The following KIF15 variants were observed in gnomAD, a reference collection of about 807,000 sequenced individuals.
The protein encoded by KIF15 is kinesin family member 15.
In KIF15, 140 loss-of-function variants were observed where a neutral mutation model predicts 190.6. The observed-to-expected ratio is 0.73, with a 90% CI of 0.64 to 0.84. The LOEUF (loss-of-function observed/expected upper bound fraction) is 0.84, where lower values mean the gene tolerates loss of function less well. Among genes scored for constraint, KIF15 ranks in the 40% least tolerant of loss-of-function variants. The pLI is 0.00. For synonymous variants in KIF15, 528 were observed against 551.3 expected (o/e 0.96, Z 0.59); for missense variants, 1,372 against 1,584.4 (o/e 0.87, Z 2.28).
rs528623423 is a variant in KIF15, at chr3:44,842,357, G to A, written c.3586-768G>A. 3.3e-5 allele frequency among the ~76,000 whole-genome samples: 5 copies of A among 152,260 alleles called. No homozygotes were observed. The East Asian group carries it at 9.6e-4, about 29-fold the overall frequency. ...GTGGGGCACATGGAAGAGTGTCTGG[G>A]TAGGTGTGTAGGTGCATGGGGAAGG... is the stretch of plus-strand genomic sequence containing the variant. On this transcript the variant is annotated intron_variant, in intron 29 of 34. Transcript: ENST00000326047.
chr3:44,775,581 G>A (rs1156583060), intron 3 of KIF15, 144 bp downstream of exon 3: 9 of 580,120 alleles, frequency 1.6e-5, no homozygotes, highest in East Asian at 8.5e-5. Context: ...TCAGCCTCCC[G>A]AGTAGCTAGG....
At chr3:44,827,359 T>A (rs1301554996) in intron 22 of KIF15, 100 bp from the exon 23 acceptor site, 1 of 818,694 alleles carries the variant, frequency 1.2e-6, no homozygotes, top group Non-Finnish European at 2.0e-6. Flanking sequence ...AGGGTGTGCC[T>A]AACAAAGTTC....
intron 6 of KIF15, among the ~76,000 whole-genome samples, chr3:44,868,479 G>T (rs1407407046): frequency 6.6e-6 from 1 of 152,064 alleles, no homozygotes; most frequent in Admixed American, 6.5e-5. Context: ...ATTCTATTGG[G>T]TATATACCTA....
intron 6 of KIF15, among the ~76,000 whole-genome samples, chr3:44,866,918 G>T (rs1699328433): frequency 6.6e-6 from 1 of 152,102 alleles, no homozygotes; most frequent in African/African-American, 2.4e-5. Flanking sequence ...CTTGCCTTGG[G>T]TTCCCTTTAC....
chr3:44,794,919 G>A (rs1027307782), intron 8 of KIF15, among the ~76,000 whole-genome samples: 7 of 152,066 alleles, frequency 4.6e-5, no homozygotes, highest in Admixed American at 1.3e-4. Context: ...CTGAGATCGC[G>A]CCACTGCACG....
At chr3:44,765,719 C>G (rs1388679879) in intron 1 of KIF15, among the ~76,000 whole-genome samples, 2 of 152,174 alleles carry the variant, frequency 1.3e-5, no homozygotes, top group African/African-American at 4.8e-5. Context: ...CTTATATCCC[C>G]ATTGTCTTCT....
intron 1 of KIF15, among the ~76,000 whole-genome samples, chr3:44,768,615 C>T (rs6441867): frequency 0.6 from 91,654 of 151,886 alleles, 28,200 homozygotes; most frequent in East Asian, 0.89. Flanking sequence ...TTCAGTGACC[C>T]GGCAGGCGTT....
chr3:44,802,685 T>C (rs2125640322), intron 13 of KIF15, 129 bp from the exon 14 acceptor site: 1 of 822,778 alleles, frequency 1.2e-6, no homozygotes, highest in Non-Finnish European at 1.9e-6. Flanking sequence ...TTGCTTTCCA[T>C]GGTGGTTGCA....
chr3:44,866,002 G>C (rs534411296), intron 6 of KIF15, among the ~76,000 whole-genome samples: 12 of 151,964 alleles, frequency 7.9e-5, no homozygotes, highest in Non-Finnish European at 1.6e-4. Context: ...TTTACCTTTA[G>C]GGCTCTTCTG....
At position 44,830,049 on chromosome 3, in the gene KIF15, C is replaced by A; in HGVS notation, c.3022C>A (p.Leu1008Met). The change falls in exon 25 of 35, where the codon CTG (leucine) becomes ATG (methionine). Residue 1008 changes from leucine to methionine, a missense_variant. Leu to Met is a conservative substitution (Grantham distance 15, BLOSUM62 2). Transcript: ENST00000326047. ...TGAGAAAACAGAAACTATAGACACC[C>A]TGAAACAAGAACTGAAGGACATAAA... The part of the protein sequence containing the change: ...VCEKTETIDT[L>M]KQELKDINCK... 1 of 1,588,766 alleles carries A rather than the reference C, an allele frequency of 6.3e-7. No homozygotes were observed. The highest frequency in any genetic ancestry group is 8.6e-7 in the Non-Finnish European group (1 of 1,168,998).
chr3:44,821,296 G>A (rs1708284064), intron 20 of KIF15, among the ~76,000 whole-genome samples: 1 of 150,738 alleles, frequency 6.6e-6, no homozygotes, highest in Non-Finnish European at 1.5e-5. Flanking sequence ...CGGCTGGCCT[G>A]GCGGTGGGTG....
chr3:44,801,212 A>G (rs9311362), intron 11 of KIF15, among the ~76,000 whole-genome samples: 51,686 of 122,848 alleles, frequency 0.42, 11,148 homozygotes, highest in East Asian at 0.78. Flanking sequence ...GGGCGGCGGG[A>G]GGGGGGGGTC....
chr3:44,790,183 A>G (rs1240183916), intron 7 of KIF15, among the ~76,000 whole-genome samples: 1 of 146,340 alleles, frequency 6.8e-6, no homozygotes, highest in African/African-American at 2.5e-5. Flanking sequence ...ACTTTATGAC[A>G]TTTTTTTTTT....
At chr3:44,838,204 A>G (rs1698418393) in intron 26 of KIF15, 71 bp from the exon 27 acceptor site, 3 of 1,473,822 alleles carry the variant, frequency 2.0e-6, no homozygotes, top group Non-Finnish European at 2.7e-6. Flanking sequence ...TAAAAGTTGT[A>G]CATAGTAATG....
In KIF15 at chr3:44,864,983, G is replaced by A. The variant is rs1051260166; in HGVS notation, c.*60-8346G>A. ...TTAGAAGGAAGTCAGTCCCAGGAGA[G>A]TGAGGTTGTGCCCACCTGCTGAAGT... is the stretch of plus-strand genomic sequence containing the variant. On this transcript the variant is annotated intron_variant and NMD_transcript_variant, in intron 6 of 6. Coordinates refer to the KIF15 transcript ENST00000422209. The A allele has an allele frequency of 1.9e-6, 3 of 1,605,530 alleles. No individual in the cohort carries two copies. In the African/African-American group the frequency reaches 4.0e-5, roughly 21 times the overall value.
At chr3:44,799,108 A>C (rs956733407) in intron 10 of KIF15, 5 of 316,668 alleles carry the variant, frequency 1.6e-5, no homozygotes, top group African/African-American at 1.4e-4. Flanking sequence ...GATTTACTAG[A>C]AGTCTTTGGA....
intron 7 of KIF15, among the ~76,000 whole-genome samples, chr3:44,793,225 A>AT (rs757028444): frequency 5.3e-5 from 8 of 152,210 alleles, no homozygotes; most frequent in Non-Finnish European, 8.8e-5. Context: ...CGCCTAGTAA[A>AT]TAGTGGAGCC....
At position 44,805,825 on chromosome 3, in the gene KIF15, C is replaced by T. The variant is rs749610019; in HGVS notation, c.1830-20C>T. On this transcript the variant is annotated intron_variant, in intron 15 of 34. Coordinates refer to ENST00000326047, the MANE Select transcript of KIF15 (RefSeq NM_020242.3). ...ACATTACTTATTACCTGAAATACTC[C>T]GTTTTACAATATCTATTAGGAAAAG... 7.5e-6 allele frequency: 12 copies of T among 1,602,766 alleles called. No homozygotes were observed. Among genetic ancestry groups the T allele is most frequent in the African/African-American group, 5.4e-5 (4 of 74,080 alleles).
intron 20 of KIF15, among the ~76,000 whole-genome samples, chr3:44,817,945 A>G (rs1559560753): frequency 6.6e-6 from 1 of 152,148 alleles, no homozygotes; most frequent in Non-Finnish European, 1.5e-5. Context: ...TTCTCCTTGA[A>G]GAGGTCCTTC....
Sources: allele counts gnomAD v4.1 joint callset (sites outside exome capture counted in the v4.1 genomes callset), GRCh38; gene constraint gnomAD v4.1.1; transcripts MANE v1.5; gene names NCBI Gene and HGNC (gene_info 2026-07-23, HGNC 2026-07-21).